CCDC141: variants seen among roughly 807,000 people sequenced by gnomAD.
The protein encoded by CCDC141 is coiled-coil domain containing 141.
Under a neutral mutation model 181.0 loss-of-function variants are expected in CCDC141, and 168 were observed. The ratio of observed to expected loss-of-function variants is 0.93; its 90% CI spans 0.82 to 1.05. CCDC141 has a LOEUF of 1.05. CCDC141 is among the 50% of genes least tolerant of loss of function. The pLI is 0.00. For synonymous variants in CCDC141, 666 were observed against 642.3 expected, an observed-to-expected ratio of 1.04 and a Z score of -0.56; for missense variants, 1,902 against 1,788.5, an observed-to-expected ratio of 1.06 and a Z score of -1.14.
In CCDC141 at chr2:178,878,674, CAAAA is replaced by C. The variant is rs1686461997; in HGVS notation, c.1720-535_1720-532del. Reference sequence around the variant, plus strand: ...ATATTTTCAACTTATTGAAAAGATTCAAAAAATCTATTTGGATTGTTGATTGTTT... The same window carrying C: ...ATATTTTCAACTTATTGAAAAGATTCAATCTATTTGGATTGTTGATTGTTT... On this transcript the variant is annotated intron_variant, in intron 11 of 23. Transcript: ENST00000443758. Among the ~76,000 whole-genome samples the C allele has an allele frequency of 2.0e-5, 3 of 151,982 alleles. 1 individual carries two copies. The highest frequency in any genetic ancestry group is 7.2e-5 in the African/African-American group (3 of 41,476).
At chr2:178,953,244 G>C (rs981352269) in intron 5 of CCDC141, among the ~76,000 whole-genome samples, 7 of 152,214 alleles carry the variant, frequency 4.6e-5, no homozygotes, top group Non-Finnish European at 8.8e-5. Flanking sequence ...AGACCATCCT[G>C]GCTAACATGG....
Position 178,833,249 on chromosome 2 carries a change from A to T in CCDC141, c.*924T>A, listed in dbSNP as rs1038476136. 4.6e-5 allele frequency: 7 copies of T among 152,216 alleles called. No individual in the cohort carries two copies. The highest frequency in any genetic ancestry group is 1.7e-4 in the African/African-American group (7 of 41,460). The allele number at this position is 152,216 out of a possible 1,614,324, so 9.4% of individuals were successfully genotyped here. The stretch of plus-strand genomic sequence containing the variant: ...ATGACAAATTACATTAAACAATATC[A>T]TTATCCTTAGCCCTCAGTGTTTTCC... On this transcript the variant is annotated 3_prime_UTR_variant, in exon 24 of 24. Coordinates refer to ENST00000443758, the MANE Select transcript of CCDC141 (RefSeq NM_173648.4).
intron 6 of CCDC141, among the ~76,000 whole-genome samples, chr2:178,944,312 A>C (rs2154377231): frequency 6.6e-6 from 1 of 152,312 alleles, no homozygotes; most frequent in African/African-American, 2.4e-5. Context: ...TATTCAGAAA[A>C]ATATAGTTAT....
chr2:178,954,983 G>T (rs754801538), intron 5 of CCDC141, among the ~76,000 whole-genome samples: 2 of 151,884 alleles, frequency 1.3e-5, no homozygotes, highest in Non-Finnish European at 2.9e-5. Flanking sequence ...CATCAACAAC[G>T]CTTTAAAATA....
chr2:179,049,477 T>C (rs116289242), intron 1 of CCDC141, among the ~76,000 whole-genome samples: 5,357 of 152,258 alleles, frequency 0.035, 138 homozygotes, highest in Middle Eastern at 0.058. Flanking sequence ...CACAGGTCCA[T>C]TGGACTCTTT....
intron 2 of CCDC141, among the ~76,000 whole-genome samples, chr2:179,016,208 G>C (rs1056642700): frequency 1.5e-5 from 2 of 137,680 alleles, no homozygotes; most frequent in Non-Finnish European, 3.1e-5. Flanking sequence ...AAGAGTGAGG[G>C]GGGTGAGGGA....
At position 178,989,829 on chromosome 2, in the gene CCDC141, TAAAAAAA is replaced by T. The variant is rs71023463; in HGVS notation, c.226-11161_226-11155del. Among the ~76,000 whole-genome samples, 239 of 81,396 alleles carry T rather than the reference TAAAAAAA, an allele frequency of 2.9e-3. 3 individuals carry two copies. In the South Asian group the frequency reaches 0.035, roughly 12 times the overall value. The allele number at this position is 81,396 out of a possible 152,430, so 53.4% of individuals were successfully genotyped here. ...ACACCCACTAGGATAGCTATAATCT[TAAAAAAA>T]AAAAAAAAAAAAAAAAAAGGAGGCC... is the stretch of plus-strand genomic sequence containing the variant. On this transcript the variant is annotated intron_variant, in intron 2 of 23. Coordinates refer to ENST00000443758, the MANE Select transcript of CCDC141 (RefSeq NM_173648.4).
chr2:178,847,298 G>A (rs950966630), intron 21 of CCDC141, among the ~76,000 whole-genome samples: 1 of 152,174 alleles, frequency 6.6e-6, no homozygotes, highest in Non-Finnish European at 1.5e-5. Flanking sequence ...GAGAGGCCAA[G>A]GCGGAAAGAT....
In CCDC141 at chr2:178,832,074, T is replaced by G. The variant is rs1684269437; in HGVS notation, c.*2099A>C. The G allele has an allele frequency of 6.6e-6, 1 of 152,046 alleles. No homozygotes were observed. Among genetic ancestry groups the G allele is most frequent in the Admixed American group, 6.5e-5 (1 of 15,272 alleles). The allele number at this position is 152,046 out of a possible 1,614,324, so 9.4% of individuals were successfully genotyped here. A position where few individuals can be genotyped will look rare whatever the true frequency, so the allele number is the denominator to read the frequency against. ...AAATGGGAAGGGAGATCCTGCCAAATTAATAAGAAAGAGAAAGTGGGAAGA... is the reference window on the plus strand; with the variant it reads ...AAATGGGAAGGGAGATCCTGCCAAAGTAATAAGAAAGAGAAAGTGGGAAGA... On this transcript the variant is annotated 3_prime_UTR_variant, in exon 24 of 24. Coordinates refer to ENST00000443758, the MANE Select transcript of CCDC141 (RefSeq NM_173648.4).
chr2:178,893,394 G>A (rs1558960604), intron 8 of CCDC141, among the ~76,000 whole-genome samples: 1 of 152,036 alleles, frequency 6.6e-6, no homozygotes, highest in Non-Finnish European at 1.5e-5. Flanking sequence ...TCTGAAGAAT[G>A]GCAAGTTGCT....
chr2:178,941,345 A>G (rs561402837), intron 6 of CCDC141, among the ~76,000 whole-genome samples: 1 of 152,310 alleles, frequency 6.6e-6, no homozygotes, highest in East Asian at 1.9e-4. Context: ...CTCTAACCCC[A>G]TATGATTCGG....
intron 4 of CCDC141, among the ~76,000 whole-genome samples, chr2:178,972,022 A>G (rs1436458505): frequency 6.6e-6 from 1 of 152,122 alleles, no homozygotes; most frequent in African/African-American, 2.4e-5. Context: ...ATATATACCT[A>G]TGTAACAAAA....
At chr2:178,930,685 C>A (rs1231872097) in intron 6 of CCDC141, among the ~76,000 whole-genome samples, 1 of 152,042 alleles carries the variant, frequency 6.6e-6, no homozygotes, top group African/African-American at 2.4e-5. Flanking sequence ...AGTGAGTGTG[C>A]CAAAGTCCTT....
intron 17 of CCDC141, among the ~76,000 whole-genome samples, chr2:178,859,513 C>T (rs1685514540): frequency 1.3e-5 from 2 of 151,856 alleles, no homozygotes; most frequent in South Asian, 4.2e-4. Context: ...AGAAAAACAC[C>T]CCAAGCTTGG....
rs1019389024 is a variant in CCDC141 at position 178,832,950 on chromosome 2, T to G, written c.*1223A>C. 1.3e-5 allele frequency: 2 copies of G among 152,190 alleles called. No homozygotes were observed. The highest frequency in any genetic ancestry group is 4.8e-5 in the African/African-American group (2 of 41,460). The allele number at this position is 152,190 out of a possible 1,614,324, so 9.4% of individuals were successfully genotyped here. On this transcript the variant is annotated 3_prime_UTR_variant, in exon 24 of 24. Coordinates refer to ENST00000443758, the MANE Select transcript of CCDC141 (RefSeq NM_173648.4). ...GGCATAGAATACTTCAATATTATAG[T>G]AATAATTATTGTAAAAGGATAGAAT...
intron 17 of CCDC141, among the ~76,000 whole-genome samples, chr2:178,857,159 A>C (rs1393346772): frequency 6.6e-6 from 1 of 152,098 alleles, no homozygotes; most frequent in East Asian, 1.9e-4. Flanking sequence ...TATTTGCCCC[A>C]GATCTCTCTA....
chr2:178,902,100 A>C (rs547679402), intron 8 of CCDC141, among the ~76,000 whole-genome samples: 12 of 152,342 alleles, frequency 7.9e-5, no homozygotes, highest in Admixed American at 2.6e-4. Context: ...TCAATGAAAT[A>C]AAAGAGTATA....
intron 20 of CCDC141, among the ~76,000 whole-genome samples, chr2:178,852,911 A>C (rs1048718191): frequency 3.3e-5 from 5 of 152,228 alleles, no homozygotes; most frequent in African/African-American, 1.2e-4. Context: ...AACTTGTAAA[A>C]TGGCAATTTG....
At chr2:178,860,489 C>T (rs1285307018) in intron 17 of CCDC141, among the ~76,000 whole-genome samples, 3 of 144,036 alleles carry the variant, frequency 2.1e-5, no homozygotes, top group Admixed American at 7.1e-5. Flanking sequence ...GCCAAGATTG[C>T]ACCATTGCAC....
Sources: allele counts gnomAD v4.1 joint callset (sites outside exome capture counted in the v4.1 genomes callset), GRCh38; gene constraint gnomAD v4.1.1; transcripts MANE v1.5; gene names NCBI Gene and HGNC (gene_info 2026-07-23, HGNC 2026-07-21).